EED: variants seen among roughly 807,000 people sequenced by gnomAD.
EED encodes the protein polycomb protein EED.
Under a neutral mutation model 61.0 loss-of-function variants are expected in EED, and 9 were observed. The observed-to-expected ratio is 0.15, with a 90% CI of 0.09 to 0.26. The LOEUF (loss-of-function observed/expected upper bound fraction) is 0.26, where lower values mean the gene tolerates loss of function less well. Among genes scored for constraint, EED ranks in the 10% least tolerant of loss-of-function variants. The pLI is 1.00. For missense variants in EED, 315 were observed against 542.3 expected, an observed-to-expected ratio of 0.58 and a Z score of 4.16; for synonymous variants, 187 against 174.4, an observed-to-expected ratio of 1.07 and a Z score of -0.57.
rs1555178209 is a variant in EED, at chr11:86,260,516, A to ATTGCACCTGGC, written c.634+2920_634+2921insTTGCACCTGGC. 1.8e-3 allele frequency among the ~76,000 whole-genome samples: 271 copies of ATTGCACCTGGC among 151,718 alleles called. 1 individual carries two copies. Among genetic ancestry groups the ATTGCACCTGGC allele is most frequent in the African/African-American group, 6.4e-3 (267 of 41,410 alleles). On this transcript the variant is annotated intron_variant, in intron 6 of 11. Transcript: ENST00000263360. ...AGTGCTGGGATTACAGGTGTGAGCT[A>ATTGCACCTGGC]CTGCTGTACATTCTTTATTAATGTT... is the stretch of plus-strand genomic sequence containing the variant.
chr11:86,283,247 A>T (rs538587082), downstream of EED, among the ~76,000 whole-genome samples: 5 of 152,324 alleles, frequency 3.3e-5, no homozygotes, highest in South Asian at 1.0e-3. Context: ...AGCAAGCTCT[A>T]TGGCTGAGGG....
At chr11:86,286,093 C>T in the EED span, among the ~76,000 whole-genome samples, 1 of 151,870 alleles carries the variant, frequency 6.6e-6, no homozygotes, top group African/African-American at 2.4e-5. Flanking sequence ...TGCAGTGGTG[C>T]AATCTCGGCT....
At chr11:86,253,197 T>A (rs1006528141) in intron 3 of EED, among the ~76,000 whole-genome samples, 15 of 152,236 alleles carry the variant, frequency 9.9e-5, no homozygotes, top group Admixed American at 6.5e-5. Flanking sequence ...TGGTGTTTAG[T>A]CAAATGTAGG....
chr11:86,278,677 C>A lies in EED; in HGVS notation c.*152C>A. ...AATGTAGTGATGTTTACATTGTTTA[C>A]ATTCTTTGTACTGTCTTCCTGCTCA... is the stretch of plus-strand genomic sequence containing the variant. On this transcript the variant is annotated 3_prime_UTR_variant, in exon 12 of 12. Coordinates refer to ENST00000263360, the MANE Select transcript of EED (RefSeq NM_003797.5). The A allele has an allele frequency of 1.0e-6, 1 of 994,200 alleles. No individual in the cohort carries two copies. Among genetic ancestry groups the A allele is most frequent in the Non-Finnish European group, 1.4e-6 (1 of 720,140 alleles). 61.6% of individuals were successfully genotyped at this position (994,200 alleles called of 1,614,324 possible).
the EED span, chr11:86,284,249 T>C: frequency 6.6e-6 from 1 of 152,204 alleles, no homozygotes; most frequent in Non-Finnish European, 1.5e-5. Flanking sequence ...ATGTGGAAGT[T>C]CCTGGGTTTT....
Position 86,250,349 on chromosome 11 carries a change from T to C in EED, c.168T>C (p.Pro56=). 6.2e-7 allele frequency: 1 copy of C among 1,608,860 alleles called. No individual in the cohort carries two copies. ...CAAACACTGAACGCCCTGATACACC[T>C]ACAAACACGCCAAATGCACCTGGAA... ...SGTNTERPDT[P]TNTPNAPGRK... Residue 56 remains proline, a synonymous_variant, in exon 2 of 12, where the codon CCT becomes CCC. Coordinates refer to ENST00000263360, the MANE Select transcript of EED (RefSeq NM_003797.5).
downstream of EED, among the ~76,000 whole-genome samples, chr11:86,283,228 T>G: frequency 6.6e-6 from 1 of 152,038 alleles, no homozygotes; most frequent in East Asian, 1.9e-4. Context: ...ATCACCAGAT[T>G]GACAATGAAG....
rs2138236372 is a variant in EED at position 86,276,798 on chromosome 11, C to G, written c.967-182C>G. On this transcript the variant is annotated intron_variant, in intron 9 of 11. Coordinates refer to ENST00000263360, the MANE Select transcript of EED (RefSeq NM_003797.5). ...TCGAATTCTGTTGATAATCAGATTT[C>G]TTGTCCTTAAGTATGGTCATTGACT... The G allele has an allele frequency of 7.3e-6, 3 of 409,132 alleles. No individual in the cohort carries two copies. The East Asian group carries it at 1.1e-4, about 15-fold the overall frequency. 25.3% of individuals were successfully genotyped at this position (409,132 alleles called of 1,614,324 possible).
intron 10 of EED, 159 bp from the exon 11 acceptor site, chr11:86,277,759 A>G (rs1481153681): frequency 4.0e-6 from 2 of 503,096 alleles, no homozygotes; most frequent in Admixed American, 4.4e-5. Context: ...TCTTATTCAT[A>G]TTTACGAATC....
intron 2 of EED, 28 bp downstream of exon 2, chr11:86,250,476 T>A (rs1280119755): frequency 6.6e-7 from 1 of 1,526,366 alleles, no homozygotes; most frequent in East Asian, 2.5e-5. Context: ...TCCTTTGGGC[T>A]GAATGCTAGG....
At chr11:86,287,007 ACATAATAACCCAAT>A in the EED span, among the ~76,000 whole-genome samples, 2 of 151,056 alleles carry the variant, frequency 1.3e-5, no homozygotes, top group East Asian at 3.9e-4. Flanking sequence ...AATAGACTAT[ACATAATAACCCAAT>A]CATACACACA....
At chr11:86,247,619 G>A (rs1278853595) in intron 1 of EED, among the ~76,000 whole-genome samples, 13 of 152,204 alleles carry the variant, frequency 8.5e-5, no homozygotes, top group Non-Finnish European at 1.9e-4. Context: ...CAAAAATTAA[G>A]ATGCAATTTT....
At chr11:86,277,219 G>A in intron 10 of EED, 81 bp downstream of exon 10, 1 of 1,322,236 alleles carries the variant, frequency 7.6e-7, no homozygotes, top group South Asian at 1.8e-5. Context: ...TTGTGTCCAT[G>A]TTCTTTTTCC....
rs1379395755 is a variant in EED, at chr11:86,256,323, A to G, written c.427-64A>G. 67 of 1,409,826 alleles carry G rather than the reference A, an allele frequency of 4.8e-5. No homozygotes were observed. In the East Asian group the frequency reaches 9.2e-4, roughly 19 times the overall value. 87.3% of individuals were successfully genotyped at this position (1,409,826 alleles called of 1,614,324 possible). On this transcript the variant is annotated intron_variant, in intron 4 of 11. Transcript: ENST00000263360. ...CTTTAGCAGTTCTTTATAAGTTTCT[A>G]TTATAATTATTGACATGTTTCTTTT...
At chr11:86,281,339 T>G (rs1946320666), downstream of EED, among the ~76,000 whole-genome samples, 1 of 152,236 alleles carries the variant, frequency 6.6e-6, no homozygotes, top group African/African-American at 2.4e-5. Context: ...ATTTCTGATT[T>G]GAGTCCTTTT....
At chr11:86,277,462 G>A (rs1946258041) in intron 10 of EED, 1 of 193,516 alleles carries the variant, frequency 5.2e-6, no homozygotes. Context: ...TAGATTGTCA[G>A]TCTACCTATG....
chr11:86,245,423 C>G, intron 1 of EED, 80 bp downstream of exon 1: 2 of 1,193,222 alleles, frequency 1.7e-6, no homozygotes, highest in African/African-American at 1.6e-5. Flanking sequence ...CGGGGACGAG[C>G]GGGCTGCTGT....
At chr11:86,286,289 C>T in the EED span, among the ~76,000 whole-genome samples, 1 of 151,988 alleles carries the variant, frequency 6.6e-6, no homozygotes, top group Non-Finnish European at 1.5e-5. Flanking sequence ...GATCCGCCCG[C>T]CTCAGCCTCC....
chr11:86,274,346 CTATT>C (rs2138227674), intron 9 of EED, among the ~76,000 whole-genome samples: 1 of 152,180 alleles, frequency 6.6e-6, no homozygotes, highest in South Asian at 2.1e-4. Context: ...GTGTTGGTAT[CTATT>C]GATTATCTTT....
Sources: gnomAD v4.1 joint callset for allele counts (sites outside exome capture counted in the v4.1 genomes callset) on GRCh38, gnomAD v4.1.1 for gene constraint, MANE v1.5 for transcripts, NCBI Gene and HGNC (gene_info 2026-07-23, HGNC 2026-07-21) for gene names.